The following LRP1 variants were observed in gnomAD, a reference collection of about 807,000 sequenced individuals.
The protein encoded by LRP1 is prolow-density lipoprotein receptor-related protein 1.
LRP1 carries 51 observed loss-of-function variants against 541.5 expected under a neutral mutation model. The ratio of observed to expected loss-of-function variants is 0.09; its 90% confidence interval spans 0.08 to 0.12. The LOEUF is 0.12. Among genes scored for constraint, LRP1 ranks in the 10% least tolerant of loss-of-function variants. The probability of loss-of-function intolerance (pLI) is 1.00; values close to 1 mark genes in which losing one functional copy is unlikely to be tolerated. For missense variants in LRP1, 3,878 were observed against 6,376.2 expected (o/e 0.61, Z 13.34); for synonymous variants, 2,219 against 2,470.8 (o/e 0.90, Z 3.02).
At position 57,209,104 on chromosome 12, in the gene LRP1, A is replaced by G. The variant is rs2036852324; in HGVS notation, c.12167A>G (p.Asn4056Ser). ...WPTGLAVDYHNERLYWADAKL... is the reference protein window; with the variant it reads ...WPTGLAVDYHSERLYWADAKL... Reference sequence around the variant, plus strand: ...CCAGGCCTGGCCGTGGATTATCACAATGAGCGGCTGTACTGGGCAGACGCC... The same window carrying G: ...CCAGGCCTGGCCGTGGATTATCACAGTGAGCGGCTGTACTGGGCAGACGCC... Residue 4056 changes from asparagine to serine, a missense_variant, in exon 79 of 89, where the codon AAT (asparagine) becomes AGT (serine). Coordinates refer to ENST00000243077, the MANE Select transcript of LRP1 (RefSeq NM_002332.3). The G allele has an allele frequency of 2.5e-6, 4 of 1,613,396 alleles. No individual in the cohort carries two copies. Among genetic ancestry groups the G allele is most frequent in the African/African-American group, 1.3e-5 (1 of 74,910 alleles).
chr12:57,169,954 T>C (rs2035913853), intron 20 of LRP1, among the ~76,000 whole-genome samples: 1 of 152,214 alleles, frequency 6.6e-6, no homozygotes, highest in Non-Finnish European at 1.5e-5. Context: ...TTTTTAACAC[T>C]ACAGTATTAG....
Position 57,173,208 on chromosome 12 carries a change from G to A in LRP1, c.3204G>A (p.Gln1068=). Residue 1068 remains glutamine (Q), a synonymous_variant, in exon 21 of 89, where the codon CAG becomes CAA. Coordinates refer to ENST00000243077, the MANE Select transcript of LRP1 (RefSeq NM_002332.3). The surrounding 1 kb of genome is among the most constrained non-coding windows in gnomAD (Gnocchi z 4.7). ...GTGGCTGCCACACTGATGAGTTCCAGTGCCGGCTGGATGGACTATGCATCC... is the reference window on the plus strand; with the variant it reads ...GTGGCTGCCACACTGATGAGTTCCAATGCCGGCTGGATGGACTATGCATCC... ...PPGGCHTDEF[Q]CRLDGLCIPL... is the part of the protein sequence containing the mutation. 6.2e-7 allele frequency: 1 copy of A among 1,613,682 alleles called. No homozygotes were observed. Among genetic ancestry groups the A allele is most frequent in the Non-Finnish European group, 8.5e-7 (1 of 1,179,884 alleles).
Position 57,205,551 on chromosome 12 carries a change from C to G in LRP1, c.11471-7C>G. On this transcript the variant is annotated splice_region_variant and splice_polypyrimidine_tract_variant and intron_variant, in intron 74 of 88. Coordinates refer to ENST00000243077, the MANE Select transcript of LRP1 (RefSeq NM_002332.3). This position sits in a 1 kb window ranked among gnomAD's most constrained non-coding sequence, Gnocchi z 4.6. ...TGGACTCTCATGACCCTCCCTGTAA[C>G]CCTTAGACATCAACGAGTGCCTGCG... is the stretch of plus-strand genomic sequence containing the variant. The G allele has an allele frequency of 6.2e-7, 1 of 1,614,040 alleles. No individual in the cohort carries two copies. The highest frequency in any genetic ancestry group is 8.5e-7 in the Non-Finnish European group (1 of 1,180,010).
At position 57,173,859 on chromosome 12, in the gene LRP1, C is replaced by T; in HGVS notation, c.3426C>T (p.Ser1142=). 6.2e-7 allele frequency: 1 copy of T among 1,614,216 alleles called. No individual in the cohort carries two copies. The highest frequency in any genetic ancestry group is 8.5e-7 in the Non-Finnish European group (1 of 1,180,036). The change falls in exon 22 of 89, where the codon TCC becomes TCT. Residue 1142 remains serine, a synonymous_variant. Transcript: ENST00000243077. The surrounding 1 kb of genome is among the most constrained non-coding windows in gnomAD (Gnocchi z 4.7). ...ACTCGGACGAGGAGAACTGCGAGTCCCTGGCCTGCAGGCCACCCTCGCACC... is the reference window on the plus strand; with the variant it reads ...ACTCGGACGAGGAGAACTGCGAGTCTCTGGCCTGCAGGCCACCCTCGCACC... ...EDNSDEENCE[S]LACRPPSHPC...
chr12:57,140,835 C>G (rs539468946), intron 2 of LRP1, among the ~76,000 whole-genome samples: 1 of 152,206 alleles, frequency 6.6e-6, no homozygotes, highest in Non-Finnish European at 1.5e-5. Flanking sequence ...TGGGTTCAAG[C>G]GATTCTCCTG....
In LRP1 at chr12:57,196,008, GC is replaced by G; in HGVS notation, c.8701+9del. The G allele has an allele frequency of 6.2e-7, 1 of 1,612,324 alleles. No individual in the cohort carries two copies. On this transcript the variant is annotated splice_donor_region_variant and intron_variant, in intron 54 of 88. Coordinates refer to ENST00000243077, the MANE Select transcript of LRP1 (RefSeq NM_002332.3). Reference sequence around the variant, plus strand: ...ACCCACACTGCACCAGCCAAGGTGGGCCCCAGACCTGGCTCCCCTCTGCCCC... The same window carrying G: ...ACCCACACTGCACCAGCCAAGGTGGGCCCAGACCTGGCTCCCCTCTGCCCC...
chr12:57,179,972 A>C lies in LRP1; in HGVS notation c.5141+16A>C, dbSNP rs1279935842. The C allele has an allele frequency of 3.1e-6, 5 of 1,613,912 alleles. No individual in the cohort carries two copies. Among genetic ancestry groups the C allele is most frequent in the Non-Finnish European group, 4.2e-6 (5 of 1,179,918 alleles). ...CTCTGCGTGGGTCAGTCTAGGGCCC[A>C]GGGCCGGGGAGCATGGGGTGTGGGG... is the stretch of plus-strand genomic sequence containing the variant. On this transcript the variant is annotated intron_variant, in intron 30 of 88. Transcript: ENST00000243077. This position sits in a 1 kb window ranked among gnomAD's most constrained non-coding sequence, Gnocchi z 6.8.
At chr12:57,194,104 C>A in intron 48 of LRP1, 92 bp downstream of exon 48, 1 of 1,181,942 alleles carries the variant, frequency 8.5e-7, no homozygotes, top group Non-Finnish European at 1.2e-6. Flanking sequence ...TGCCCACATT[C>A]CTCTCTGCCT....
rs2035218910 is a variant in LRP1, at chr12:57,138,465, A to G, written c.74A>G (p.Lys25Arg). The G allele has an allele frequency of 6.2e-7, 1 of 1,613,782 alleles. No homozygotes were observed. The highest frequency in any genetic ancestry group is 8.5e-7 in the Non-Finnish European group (1 of 1,179,914). ...TTTTCTTTCCTTGCCCTAGCCCCTA[A>G]GACTTGCAGCCCCAAGCAGTTTGCC... ...ALVAAAIDAP[K>R]TCSPKQFACR... The change falls in exon 2 of 89, where the codon AAG becomes AGG. Residue 25 changes from lysine to arginine, a missense_variant. Transcript: ENST00000243077.
intron 52 of LRP1, 104 bp from the exon 53 acceptor site, chr12:57,195,554 A>T (rs991203163): frequency 6.3e-7 from 1 of 1,589,362 alleles, no homozygotes; most frequent in African/African-American, 1.3e-5. Flanking sequence ...CTCCTCATCC[A>T]GTGCCCTGCC....
Position 57,173,799 on chromosome 12 carries a change from G to T in LRP1, c.3366G>T (p.Ala1122=). The T allele has an allele frequency of 6.2e-7, 1 of 1,614,242 alleles. No individual in the cohort carries two copies. The highest frequency in any genetic ancestry group is 8.5e-7 in the Non-Finnish European group (1 of 1,180,046). ...CKDSARCISK[A]WVCDGDNDCE... ...CCTCAGCTCGGTGCATCAGCAAAGC[G>T]TGGGTGTGTGATGGCGACAATGACT... Residue 1122 remains alanine, a synonymous_variant, in exon 22 of 89, where the codon GCG becomes GCT. Coordinates refer to ENST00000243077, the MANE Select transcript of LRP1 (RefSeq NM_002332.3). The surrounding 1 kb of genome is among the most constrained non-coding windows in gnomAD (Gnocchi z 4.7).
chr12:57,200,647 C>T (rs372463714), intron 63 of LRP1, 52 bp from the exon 64 acceptor site: 1 of 1,564,084 alleles, frequency 6.4e-7, no homozygotes, highest in Non-Finnish European at 8.8e-7. Context: ...TGCAAGTGGA[C>T]CTGGCCGTGT....
In LRP1 at chr12:57,138,544, G is replaced by A; in HGVS notation, c.153G>A (p.Arg51=). The change falls in exon 2 of 89, where the codon AGG becomes AGA. Residue 51 remains arginine (R), a synonymous_variant. Transcript: ENST00000243077. The part of the protein sequence containing the change: ...ISKGWRCDGE[R]DCPDGSDEAP... ...AGGGCTGGCGGTGCGACGGTGAGAGGGACTGCCCAGACGGATCTGACGAGG... is the reference window on the plus strand; with the variant it reads ...AGGGCTGGCGGTGCGACGGTGAGAGAGACTGCCCAGACGGATCTGACGAGG... 2 of 1,614,074 alleles carry A rather than the reference G, an allele frequency of 1.2e-6. No homozygotes were observed. The highest frequency in any genetic ancestry group is 1.7e-6 in the Non-Finnish European group (2 of 1,179,980).
In LRP1 at chr12:57,145,009, G is replaced by C. The variant is rs759917989; in HGVS notation, c.486G>C (p.Gln162His). The change falls in exon 5 of 89, where the codon CAG (glutamine) becomes CAC (histidine). Residue 162 changes from glutamine to histidine, a missense_variant. Gln to His is a conservative substitution (Grantham distance 24). This residue lies in a region of LRP1 where 293 missense variants were observed against 403.7 expected (regional missense o/e 0.73). Coordinates refer to ENST00000243077, the MANE Select transcript of LRP1 (RefSeq NM_002332.3). ...DECSVYGTCS[Q>H]LCTNTDGSFI... is the part of the protein sequence containing the mutation. The stretch of plus-strand genomic sequence containing the variant: ...GCTCAGTGTACGGCACCTGCAGCCA[G>C]CTATGCACCAACACAGACGGCTCCT... 1.2e-6 allele frequency: 2 copies of C among 1,614,048 alleles called. No homozygotes were observed. The highest frequency in any genetic ancestry group is 1.7e-6 in the Non-Finnish European group (2 of 1,180,058).
At position 57,184,360 on chromosome 12, in the gene LRP1, C is replaced by A; in HGVS notation, c.6094C>A (p.Arg2032Ser). Residue 2032 changes from arginine (R) to serine (S), a missense_variant, in exon 38 of 89, where the codon CGT becomes AGT. By Grantham distance (110) the Arg-to-Ser change is moderately radical. This residue lies in a region of LRP1 where 1,100 missense variants were observed against 1,827.4 expected (regional missense o/e 0.60). Transcript: ENST00000243077. The surrounding 1 kb of genome is among the most constrained non-coding windows in gnomAD (Gnocchi z 7.8). Reference protein sequence around the residue: ...LFWTEWGQYPRIERSRLDGTE... With the variant: ...LFWTEWGQYPSIERSRLDGTE... ...CTGGACTGAGTGGGGTCAGTATCCG[C>A]GTATTGAGCGGTCTCGGCTAGATGG... is the stretch of plus-strand genomic sequence containing the variant. 6.2e-7 allele frequency: 1 copy of A among 1,614,206 alleles called. No homozygotes were observed. Among genetic ancestry groups the A allele is most frequent in the Non-Finnish European group, 8.5e-7 (1 of 1,180,046 alleles).
At chr12:57,194,527 G>T in intron 49 of LRP1, 24 bp downstream of exon 49, 2 of 1,611,386 alleles carry the variant, frequency 1.2e-6, no homozygotes, top group Non-Finnish European at 1.7e-6. Context: ...GGTGTGTGGT[G>T]GGTGGTGGCC....
intron 17 of LRP1, 49 bp downstream of exon 17, chr12:57,166,258 C>T: frequency 1.3e-6 from 2 of 1,546,428 alleles, no homozygotes; most frequent in Non-Finnish European, 1.7e-6. Context: ...GTCAAGGAGG[C>T]AGGGGAGACG....
chr12:57,183,251 TG>T lies in LRP1; in HGVS notation c.5663-126del. On this transcript the variant is annotated intron_variant, in intron 34 of 88. Transcript: ENST00000243077. This position sits in a 1 kb window ranked among gnomAD's most constrained non-coding sequence, Gnocchi z 6.1. ...CTCAGGCTAGGGTGTGTGTGCTGGG[TG>T]GAGGATAGGGATGATGGTGGGGGGG... The T allele has an allele frequency of 9.6e-7, 1 of 1,041,848 alleles. No homozygotes were observed. The highest frequency in any genetic ancestry group is 1.4e-6 in the Non-Finnish European group (1 of 712,594). The allele number at this position is 1,041,848 out of a possible 1,614,324, so 64.5% of individuals were successfully genotyped here.
chr12:57,153,086 G>C (rs1286009684), intron 6 of LRP1, among the ~76,000 whole-genome samples: 1 of 152,186 alleles, frequency 6.6e-6, no homozygotes, highest in Non-Finnish European at 1.5e-5. Flanking sequence ...GTAGCCCAAA[G>C]ATTTCTTTAC....
Sources: gnomAD v4.1 joint callset for allele counts (sites outside exome capture counted in the v4.1 genomes callset) on GRCh38, gnomAD v4.1.1 for gene constraint, gnomAD v4.1.1 regional missense constraint, Gnocchi (gnomAD v3.1) non-coding constraint, MANE v1.5 for transcripts, NCBI Gene and HGNC (gene_info 2026-07-23, HGNC 2026-07-21) for gene names.